ASAP2: variants seen among roughly 807,000 people sequenced by gnomAD.
ASAP2 encodes arf-GAP with SH3 domain, ANK repeat and PH domain-containing protein 2.
Under a neutral mutation model 131.4 loss-of-function variants are expected in ASAP2, and 45 were observed. The observed-to-expected ratio is 0.34, with a 90% CI of 0.27 to 0.44. ASAP2 has a LOEUF of 0.44. ASAP2 is among the 20% of genes least tolerant of loss of function. The pLI, the probability that ASAP2 is intolerant of heterozygous loss-of-function variation, is 1.00. For synonymous variants in ASAP2, 510 were observed against 503.0 expected, an observed-to-expected ratio of 1.01 and a Z score of -0.19; for missense variants, 1,011 against 1,297.0, an observed-to-expected ratio of 0.78 and a Z score of 3.39.
At chr2:9,374,616 C>T in intron 16 of ASAP2, 139 bp from the exon 17 acceptor site, 1 of 790,876 alleles carries the variant, frequency 1.3e-6, no homozygotes, top group Non-Finnish European at 1.9e-6. Flanking sequence ...ATGGCGGCCA[C>T]TCCCGCTTTG....
At chr2:9,315,262 G>A (rs1005203495) in intron 3 of ASAP2, among the ~76,000 whole-genome samples, 6 of 152,196 alleles carry the variant, frequency 3.9e-5, no homozygotes, top group Non-Finnish European at 8.8e-5. Context: ...GCCCTGAAGC[G>A]GGGAGTGGGG....
intron 23 of ASAP2, among the ~76,000 whole-genome samples, chr2:9,393,106 C>T (rs796520483): frequency 1.6e-4 from 25 of 152,274 alleles, no homozygotes; most frequent in East Asian, 1.4e-3. Context: ...ACAGGTCAGT[C>T]GATGTGCAAA....
intron 3 of ASAP2, among the ~76,000 whole-genome samples, chr2:9,303,321 T>C (rs1668616268): frequency 6.6e-6 from 1 of 152,214 alleles, no homozygotes; most frequent in African/African-American, 2.4e-5. Context: ...TTTCTGACAT[T>C]TGCTTTTTAA....
intron 18 of ASAP2, among the ~76,000 whole-genome samples, chr2:9,377,207 T>C (rs1392220293): frequency 6.6e-6 from 1 of 152,110 alleles, no homozygotes; most frequent in Non-Finnish European, 1.5e-5. Context: ...AATTGCAGGG[T>C]CCAACTTCTA....
chr2:9,228,994 G>A (rs970012232), intron 1 of ASAP2, among the ~76,000 whole-genome samples: 10 of 152,066 alleles, frequency 6.6e-5, no homozygotes, highest in African/African-American at 9.7e-5. Context: ...GAGTGCTGCC[G>A]GGCTCCATTC....
intron 1 of ASAP2, among the ~76,000 whole-genome samples, chr2:9,277,225 C>T (rs990792651): frequency 3.3e-5 from 5 of 152,216 alleles, no homozygotes; most frequent in Admixed American, 1.3e-4. Flanking sequence ...GTCTAAGCTT[C>T]GCGAACTGGT....
chr2:9,398,533 C>T (rs1183677726), intron 24 of ASAP2, among the ~76,000 whole-genome samples: 1 of 151,130 alleles, frequency 6.6e-6, no homozygotes, highest in Non-Finnish European at 1.5e-5. Flanking sequence ...AAAGGCCAGG[C>T]ACAGTGGCTC....
chr2:9,375,549 G>A lies in ASAP2; in HGVS notation c.1746+605G>A, dbSNP rs1316882867. ...CACAGGCTCATCCATTTTTAATGGAGAGCACATTTAAAATCGACTCAGTTT... is the reference window on the plus strand; with the variant it reads ...CACAGGCTCATCCATTTTTAATGGAAAGCACATTTAAAATCGACTCAGTTT... On this transcript the variant is annotated intron_variant, in intron 17 of 27. Coordinates refer to ENST00000281419, the MANE Select transcript of ASAP2 (RefSeq NM_003887.3). Among the ~76,000 whole-genome samples the A allele has an allele frequency of 3.3e-5, 5 of 152,288 alleles. No homozygotes were observed. The South Asian group carries it at 1.0e-3, about 32-fold the overall frequency.
chr2:9,327,288 T>A (rs1670543959), intron 6 of ASAP2, among the ~76,000 whole-genome samples: 1 of 152,236 alleles, frequency 6.6e-6, no homozygotes, highest in Non-Finnish European at 1.5e-5. Context: ...TCCCTGAGGC[T>A]TTCTGATAGC....
intron 2 of ASAP2, among the ~76,000 whole-genome samples, chr2:9,286,683 C>T (rs1350400502): frequency 6.6e-6 from 1 of 152,066 alleles, no homozygotes; most frequent in Non-Finnish European, 1.5e-5. Flanking sequence ...TGTTGTTGCA[C>T]TGCTTATCAA....
Position 9,404,836 on chromosome 2 carries a change from C to T in ASAP2, c.*1509C>T, listed in dbSNP as rs1448592514. The T allele has an allele frequency of 2.6e-5, 4 of 152,148 alleles. No homozygotes were observed. The East Asian group carries it at 7.7e-4, about 29-fold the overall frequency. 9.4% of individuals were successfully genotyped at this position (152,148 alleles called of 1,614,324 possible). On this transcript the variant is annotated 3_prime_UTR_variant, in exon 28 of 28. Transcript: ENST00000281419. The stretch of plus-strand genomic sequence containing the variant: ...ATGTTGTATAGCAATCGCTTTTTAC[C>T]TTTCAAAGTTCCGGGTAAAAATGTG...
rs1441096043 is a variant in ASAP2, at chr2:9,311,379, G to GAAAAAAAAA, written c.346-7145_346-7144insAAAAAAAAA. On this transcript the variant is annotated intron_variant, in intron 3 of 27. Coordinates refer to ENST00000281419, the MANE Select transcript of ASAP2 (RefSeq NM_003887.3). The surrounding 1 kb of genome is among the most constrained non-coding windows in gnomAD (Gnocchi z 5.2). ...TCTCAAAAAAAAAAAGAAAAAAAAA[G>GAAAAAAAAA]TTTGCCTGCTTGTTGGTCCAACGTT... Among the ~76,000 whole-genome samples the GAAAAAAAAA allele has an allele frequency of 6.6e-6, 1 of 151,764 alleles. No individual in the cohort carries two copies. Among genetic ancestry groups the GAAAAAAAAA allele is most frequent in the Non-Finnish European group, 1.5e-5 (1 of 67,986 alleles).
intron 21 of ASAP2, among the ~76,000 whole-genome samples, chr2:9,386,677 G>A (rs148597801): frequency 1.3e-5 from 2 of 152,196 alleles, no homozygotes; most frequent in Non-Finnish European, 2.9e-5. Context: ...ACCTAGAAAG[G>A]GTTGGTGGTC....
rs1183836296 is a variant in ASAP2 at position 9,311,365 on chromosome 2, A to G, written c.346-7159A>G. Among the ~76,000 whole-genome samples, 1 of 152,166 alleles carries G rather than the reference A, an allele frequency of 6.6e-6. No homozygotes were observed. Reference sequence around the variant, plus strand: ...GGTGAGAGGCACTCTCTCAAAAAAAAAAAGAAAAAAAAAGTTTGCCTGCTT... The same window carrying G: ...GGTGAGAGGCACTCTCTCAAAAAAAGAAAGAAAAAAAAAGTTTGCCTGCTT... On this transcript the variant is annotated intron_variant, in intron 3 of 27. Coordinates refer to ENST00000281419, the MANE Select transcript of ASAP2 (RefSeq NM_003887.3). The surrounding 1 kb of genome is among the most constrained non-coding windows in gnomAD (Gnocchi z 5.2).
In ASAP2 at chr2:9,327,916, G is replaced by C; in HGVS notation, c.686+5G>C. On this transcript the variant is annotated splice_donor_5th_base_variant and intron_variant, in intron 7 of 27. Transcript: ENST00000281419. The stretch of plus-strand genomic sequence containing the variant: ...ATACTTTCATGCCCAATGCAAGTAA[G>C]TTCTTCTCTGTTATGTTATCTTAAA... The C allele has an allele frequency of 6.4e-7, 1 of 1,561,004 alleles. No individual in the cohort carries two copies. The highest frequency in any genetic ancestry group is 8.6e-7 in the Non-Finnish European group (1 of 1,158,292).
At chr2:9,362,436 G>A (rs769878656) in intron 15 of ASAP2, among the ~76,000 whole-genome samples, 15 of 152,124 alleles carry the variant, frequency 9.9e-5, no homozygotes, top group African/African-American at 1.7e-4. Context: ...TATTTATAGT[G>A]TACAACATGA....
Position 9,268,400 on chromosome 2 carries a change from T to C in ASAP2, c.127-10917T>C, listed in dbSNP as rs1047449059. Among the ~76,000 whole-genome samples, 3 of 152,204 alleles carry C rather than the reference T, an allele frequency of 2.0e-5. No homozygotes were observed. The highest frequency in any genetic ancestry group is 2.0e-4 in the Admixed American group (3 of 15,288). ...ATCTGTCCTTAGGCACACACTTTCC[T>C]CAGCTGTGACTTAGCTCAGACGTCT... On this transcript the variant is annotated intron_variant, in intron 1 of 27. Transcript: ENST00000281419. This position sits in a 1 kb window ranked among gnomAD's most constrained non-coding sequence, Gnocchi z 4.1.
chr2:9,210,387 C>T (rs548006881), intron 1 of ASAP2, among the ~76,000 whole-genome samples: 2 of 151,420 alleles, frequency 1.3e-5, no homozygotes, highest in East Asian at 3.9e-4. Flanking sequence ...TAGTACATAG[C>T]ACAGAAGCTG....
At chr2:9,244,698 A>G (rs1317475524) in intron 1 of ASAP2, among the ~76,000 whole-genome samples, 1 of 152,230 alleles carries the variant, frequency 6.6e-6, no homozygotes, top group East Asian at 1.9e-4. Context: ...GCCCAGTGCC[A>G]GTGACACTTA....
Sources: allele counts gnomAD v4.1 joint callset (sites outside exome capture counted in the v4.1 genomes callset), GRCh38; gene constraint gnomAD v4.1.1; non-coding constraint Gnocchi (gnomAD v3.1); transcripts MANE v1.5; gene names NCBI Gene and HGNC (gene_info 2026-07-23, HGNC 2026-07-21).